Variants in PGAM5 observed in about 807,000 individuals in gnomAD.
PGAM5 encodes the protein serine/threonine-protein phosphatase PGAM5, mitochondrial.
A neutral mutation model predicts 30.6 loss-of-function variants in PGAM5; 25 were observed. That is an observed-to-expected ratio of 0.82 (90% confidence interval 0.60 to 1.14). The LOEUF is 1.14. Among genes scored for constraint, PGAM5 ranks in the 50% most tolerant of loss-of-function variants. PGAM5 has a pLI of 0.00. For synonymous variants in PGAM5, 201 were observed against 179.1 expected, an observed-to-expected ratio of 1.12 and a Z score of -0.98; for missense variants, 384 against 408.5, an observed-to-expected ratio of 0.94 and a Z score of 0.52.
rs1483450495 is a variant in PGAM5, at chr12:132,721,748, T to A, written c.*920T>A. 2.6e-5 allele frequency: 4 copies of A among 152,116 alleles called. No homozygotes were observed. The highest frequency in any genetic ancestry group is 9.7e-5 in the African/African-American group (4 of 41,434). 9.4% of individuals were successfully genotyped at this position (152,116 alleles called of 1,614,324 possible). On this transcript the variant is annotated 3_prime_UTR_variant, in exon 6 of 6. Transcript: ENST00000498926. ...GATTACAGTCGCCCACCACCATACC[T>A]GGCTAATTTTTTGTATTTTTAGTAA... is the stretch of plus-strand genomic sequence containing the variant.
Position 132,711,068 on chromosome 12 carries a change from G to T in PGAM5, c.191+1G>T. On this transcript the variant is annotated splice_donor_variant, in intron 1 of 5. Coordinates refer to ENST00000498926, the MANE Select transcript of PGAM5 (RefSeq NM_001170543.2). LOFTEE classifies it high-confidence loss of function. ...GTGTCTGGGACCCCAACTGGGACAG[G>T]TGCGCGCGGGGCTGTTTGGGGCCGG... 8.3e-7 allele frequency: 1 copy of T among 1,211,694 alleles called. No homozygotes were observed. The highest frequency in any genetic ancestry group is 1.0e-6 in the Non-Finnish European group (1 of 974,578). The allele number at this position is 1,211,694 out of a possible 1,614,324, so 75.1% of individuals were successfully genotyped here. A position where few individuals can be genotyped will look rare whatever the true frequency, so the allele number is the denominator to read the frequency against.
Position 132,721,992 on chromosome 12 carries a change from T to G in PGAM5, c.*1164T>G, listed in dbSNP as rs1206325968. ...TTTCCTGATGATGTTGGGTCTGAACTCACCAACTTGATTAGGTCTTTAGGG... is the reference window on the plus strand; with the variant it reads ...TTTCCTGATGATGTTGGGTCTGAACGCACCAACTTGATTAGGTCTTTAGGG... On this transcript the variant is annotated 3_prime_UTR_variant, in exon 6 of 6. Transcript: ENST00000498926. 6 of 152,162 alleles carry G rather than the reference T, an allele frequency of 3.9e-5. No individual in the cohort carries two copies. The highest frequency in any genetic ancestry group is 2.0e-4 in the Admixed American group (3 of 15,278). The allele number at this position is 152,162 out of a possible 1,614,324, so 9.4% of individuals were successfully genotyped here. A position where few individuals can be genotyped will look rare whatever the true frequency, so the allele number is the denominator to read the frequency against.
rs1020343705 is a variant in PGAM5, at chr12:132,721,143, G to A, written c.*315G>A. 1.8e-5 allele frequency: 4 copies of A among 227,564 alleles called. No homozygotes were observed. In the Admixed American group the frequency reaches 2.2e-4, roughly 13 times the overall value. The allele number at this position is 227,564 out of a possible 1,614,324, so 14.1% of individuals were successfully genotyped here. On this transcript the variant is annotated 3_prime_UTR_variant, in exon 6 of 6. Transcript: ENST00000498926. ...TTCGCACCCACAGCTGACCCGTGCTGAGGGTCCAGGCTCCATTGGCAAAGC... is the reference window on the plus strand; with the variant it reads ...TTCGCACCCACAGCTGACCCGTGCTAAGGGTCCAGGCTCCATTGGCAAAGC...
At position 132,720,978 on chromosome 12, in the gene PGAM5, T is replaced by A; in HGVS notation, c.*150T>A. The A allele has an allele frequency of 1.0e-6, 1 of 994,546 alleles. No individual in the cohort carries two copies. 61.6% of individuals were successfully genotyped at this position (994,546 alleles called of 1,614,324 possible). A position where few individuals can be genotyped will look rare whatever the true frequency, so the allele number is the denominator to read the frequency against. Reference sequence around the variant, plus strand: ...CAGGCTGAGAAGGGGAGAGTTGGGATCAGACAGCCTGACTTCTCTGCAGGG... The same window carrying A: ...CAGGCTGAGAAGGGGAGAGTTGGGAACAGACAGCCTGACTTCTCTGCAGGG... On this transcript the variant is annotated 3_prime_UTR_variant, in exon 6 of 6. Coordinates refer to ENST00000498926, the MANE Select transcript of PGAM5 (RefSeq NM_001170543.2).
Position 132,717,439 on chromosome 12 carries a change from G to T in PGAM5, c.371G>T (p.Gly124Val). 1 of 1,606,496 alleles carries T rather than the reference G, an allele frequency of 6.2e-7. No homozygotes were observed. Among genetic ancestry groups the T allele is most frequent in the Non-Finnish European group, 8.5e-7 (1 of 1,179,876 alleles). ...LEKDRTLTPLGREQAELTGLR... is the reference protein window; with the variant it reads ...LEKDRTLTPLVREQAELTGLR... ...CACTCAGGTGCCTTTCACCTTCCAG[G>T]TCGGGAGCAGGCTGAACTCACTGGG... The change falls in exon 3 of 6, where the codon GGT becomes GTT. Residue 124 changes from glycine (G) to valine (V), a missense_variant and splice_region_variant. Coordinates refer to ENST00000498926, the MANE Select transcript of PGAM5 (RefSeq NM_001170543.2).
intron 1 of PGAM5, among the ~76,000 whole-genome samples, chr12:132,712,200 T>C (rs1468669471): frequency 6.6e-6 from 1 of 152,260 alleles, no homozygotes; most frequent in Non-Finnish European, 1.5e-5. Context: ...TTATAATACA[T>C]TACTGTTAAC....
In PGAM5 at chr12:132,711,019, CG is replaced by C; in HGVS notation, c.149del (p.Gly50AlafsTer21). 3.3e-6 allele frequency: 4 copies of C among 1,214,122 alleles called. No homozygotes were observed. The highest frequency in any genetic ancestry group is 4.1e-6 in the Non-Finnish European group (4 of 977,058). 75.2% of individuals were successfully genotyped at this position (1,214,122 alleles called of 1,614,324 possible). On this transcript the variant is annotated frameshift_variant, in exon 1 of 6. Transcript: ENST00000498926. LOFTEE classifies it high-confidence loss of function. ...CGCCCGGCTGAGCCGCCGGCCTGGG[CG>C]GGGGGCGCGCGGCCGGGCCCCGGTG... ...EPRPAEPPAW[A>X]GGARPGPGVW...
chr12:132,712,960 C>T (rs2043536804), intron 1 of PGAM5, among the ~76,000 whole-genome samples: 2 of 151,850 alleles, frequency 1.3e-5, no homozygotes, highest in Non-Finnish European at 2.9e-5. Context: ...GAGTTCGAGA[C>T]CAGCCTGACC....
chr12:132,716,552 G>A (rs1226815189), intron 2 of PGAM5, among the ~76,000 whole-genome samples: 1 of 151,716 alleles, frequency 6.6e-6, no homozygotes, highest in Non-Finnish European at 1.5e-5. Flanking sequence ...TTAATGCCCT[G>A]TTGAACAGGC....
chr12:132,715,816 T>C (rs1297416961), intron 2 of PGAM5, among the ~76,000 whole-genome samples: 4 of 150,972 alleles, frequency 2.6e-5, no homozygotes, highest in Non-Finnish European at 1.5e-5. Flanking sequence ...GAGGTGGAGG[T>C]TGCAGTGAGC....
In PGAM5 at chr12:132,717,443, G is replaced by C. The variant is rs747200569; in HGVS notation, c.375G>C (p.Arg125=). The stretch of plus-strand genomic sequence containing the variant: ...CAGGTGCCTTTCACCTTCCAGGTCG[G>C]GAGCAGGCTGAACTCACTGGGCTCC... The part of the protein sequence containing the change: ...EKDRTLTPLG[R]EQAELTGLRL... Residue 125 remains arginine (R), a synonymous_variant, in exon 3 of 6, where the codon CGG becomes CGC. Transcript: ENST00000498926. The C allele has an allele frequency of 8.1e-6, 13 of 1,606,940 alleles. No individual in the cohort carries two copies. Among genetic ancestry groups the C allele is most frequent in the Non-Finnish European group, 1.0e-5 (12 of 1,179,882 alleles).
At chr12:132,718,938 G>A in intron 5 of PGAM5, 11 of 1,542,812 alleles carry the variant, frequency 7.1e-6, no homozygotes, top group Non-Finnish European at 7.0e-6. Context: ...CCCTCGGGGG[G>A]CCCTTGTCCC....
chr12:132,714,879 C>G lies in PGAM5; in HGVS notation c.213C>G (p.Ile71Met). 1 of 1,613,724 alleles carries G rather than the reference C, an allele frequency of 6.2e-7. No individual in the cohort carries two copies. Among genetic ancestry groups the G allele is most frequent in the Non-Finnish European group, 8.5e-7 (1 of 1,179,958 alleles). Residue 71 changes from isoleucine (I) to methionine (M), a missense_variant, in exon 2 of 6, where the codon ATC (isoleucine) becomes ATG (methionine). Coordinates refer to ENST00000498926, the MANE Select transcript of PGAM5 (RefSeq NM_001170543.2). ...TCAGGCGAGAACCACTGTCTCTGAT[C>G]AACGTGCGGAAGAGGAACGTGGAAT... ...NWDRREPLSL[I>M]NVRKRNVESG...
intron 5 of PGAM5, among the ~76,000 whole-genome samples, chr12:132,720,046 T>C (rs772294346): frequency 4.0e-5 from 6 of 149,834 alleles, no homozygotes; most frequent in Non-Finnish European, 8.9e-5. Flanking sequence ...TGAGTTGGGG[T>C]TGGGCCCCTG....
chr12:132,722,221 A>T lies in PGAM5; in HGVS notation c.*1393A>T, dbSNP rs1362075330. The T allele has an allele frequency of 1.3e-5, 2 of 149,102 alleles. No homozygotes were observed. The highest frequency in any genetic ancestry group is 3.0e-5 in the Non-Finnish European group (2 of 67,480). 9.2% of individuals were successfully genotyped at this position (149,102 alleles called of 1,614,324 possible). On this transcript the variant is annotated 3_prime_UTR_variant, in exon 6 of 6. Transcript: ENST00000498926. ...TTAGTTTGCCTCCAGTTAATCTTTTATGCTTAGGGATTAAATGTGTGGTTT... is the reference window on the plus strand; with the variant it reads ...TTAGTTTGCCTCCAGTTAATCTTTTTTGCTTAGGGATTAAATGTGTGGTTT...
chr12:132,712,794 CAG>C (rs2043535645), intron 1 of PGAM5, among the ~76,000 whole-genome samples: 1 of 151,856 alleles, frequency 6.6e-6, no homozygotes. Context: ...TCTGAAAAAT[CAG>C]AAATTCTGAA....
chr12:132,720,611 CAGCCCGTTTTA>C (rs2043634650), intron 5 of PGAM5, 56 bp from the exon 6 acceptor site: 1 of 1,480,894 alleles, frequency 6.8e-7, no homozygotes, highest in Non-Finnish European at 9.0e-7. Context: ...CGGCCTAGCT[CAGCCCGTTTTA>C]AGGACAGAGC....
intron 5 of PGAM5, chr12:132,719,018 A>C: frequency 5.6e-6 from 8 of 1,431,992 alleles, no homozygotes; most frequent in Non-Finnish European, 7.3e-6. Flanking sequence ...TTTCCCTGCC[A>C]CCACCCTGCA....
intron 5 of PGAM5, among the ~76,000 whole-genome samples, chr12:132,719,317 T>TGTCA (rs2136087376): frequency 6.6e-6 from 1 of 152,262 alleles, no homozygotes; most frequent in Admixed American, 6.5e-5. Context: ...TCTGCCCGTC[T>TGTCA]GTCACCTGGG....
Sources: gnomAD v4.1 joint callset for allele counts (sites outside exome capture counted in the v4.1 genomes callset) on GRCh38, gnomAD v4.1.1 for gene constraint, MANE v1.5 for transcripts, NCBI Gene and HGNC (gene_info 2026-07-23, HGNC 2026-07-21) for gene names.